MPPED1: variants seen among roughly 807,000 people sequenced by gnomAD.
MPPED1 encodes metallophosphoesterase domain-containing protein 1.
A neutral mutation model predicts 36.2 loss-of-function variants in MPPED1; 16 were observed. The observed-to-expected ratio is 0.44, with a 90% CI of 0.30 to 0.67. The LOEUF (loss-of-function observed/expected upper bound fraction) is 0.67, where lower values mean the gene tolerates loss of function less well. MPPED1 is among the 30% of genes least tolerant of loss of function. The pLI, the probability that MPPED1 is intolerant of heterozygous loss-of-function variation, is 0.10. For synonymous variants in MPPED1, 199 were observed against 191.3 expected (o/e 1.04, Z -0.33); for missense variants, 307 against 453.4 (o/e 0.68, Z 2.93).
chr22:43,469,451 C>T (rs1048925656), intron 3 of MPPED1, among the ~76,000 whole-genome samples: 2 of 4,900 alleles, frequency 4.1e-4, no homozygotes, highest in African/African-American at 5.2e-4. Flanking sequence ...CACTGGGAAT[C>T]GTATCTATGT....
At chr22:43,457,268 C>A (rs1930786556) in intron 3 of MPPED1, among the ~76,000 whole-genome samples, 1 of 152,104 alleles carries the variant, frequency 6.6e-6, no homozygotes, top group African/African-American at 2.4e-5. Context: ...TCTTCCTTTT[C>A]TCTAGTAACA....
intron 3 of MPPED1, among the ~76,000 whole-genome samples, chr22:43,463,604 A>G (rs1931033107): frequency 6.6e-6 from 1 of 152,144 alleles, no homozygotes; most frequent in African/African-American, 2.4e-5. Flanking sequence ...AAATTAAAAA[A>G]TATCCTGCTA....
chr22:43,465,148 C>T (rs1258943961), intron 3 of MPPED1, among the ~76,000 whole-genome samples: 3 of 152,320 alleles, frequency 2.0e-5, no homozygotes, highest in Non-Finnish European at 4.4e-5. Flanking sequence ...TATCCCAGGT[C>T]GCATGGTGAG....
At position 43,474,842 on chromosome 22, in the gene MPPED1, A is replaced by G; in HGVS notation, c.513A>G (p.Pro171=). 3 of 1,613,994 alleles carry G rather than the reference A, an allele frequency of 1.9e-6. No homozygotes were observed. The highest frequency in any genetic ancestry group is 2.2e-5 in the East Asian group (1 of 44,882). ...DLIKQDFYYF[P]SVSKLKPENY... The stretch of plus-strand genomic sequence containing the variant: ...TCAAGCAGGACTTTTACTACTTCCC[A>G]TCTGTGTCGAAGCTGAAGCCGGAGA... The change falls in exon 4 of 7, where the codon CCA becomes CCG. Residue 171 remains proline (P), a synonymous_variant. Transcript: ENST00000443721. The surrounding 1 kb of genome is among the most constrained non-coding windows in gnomAD (Gnocchi z 5.2).
intron 3 of MPPED1, among the ~76,000 whole-genome samples, chr22:43,447,027 G>A (rs906027859): frequency 7.9e-5 from 12 of 152,130 alleles, no homozygotes; most frequent in African/African-American, 2.4e-5. Flanking sequence ...TGAGACGGAG[G>A]GCAGGTGACT....
At chr22:43,481,663 CCT>C (rs1931754129) in intron 4 of MPPED1, among the ~76,000 whole-genome samples, 1 of 152,142 alleles carries the variant, frequency 6.6e-6, no homozygotes, top group Non-Finnish European at 1.5e-5. Flanking sequence ...AGCTCCCTCC[CCT>C]CTGTTTCCTT....
chr22:43,455,171 G>A (rs572158624), intron 3 of MPPED1, among the ~76,000 whole-genome samples: 5 of 148,086 alleles, frequency 3.4e-5, no homozygotes, highest in African/African-American at 1.0e-4. Context: ...GTGCAGTGGC[G>A]TGATCTCGGC....
chr22:43,469,753 G>A (rs899207476), intron 3 of MPPED1, among the ~76,000 whole-genome samples: 1 of 152,154 alleles, frequency 6.6e-6, no homozygotes, highest in Admixed American at 6.5e-5. Context: ...GAGAAGGGGC[G>A]ACACAGAGGT....
At chr22:43,471,907 G>A (rs1931390438) in intron 3 of MPPED1, among the ~76,000 whole-genome samples, 1 of 152,240 alleles carries the variant, frequency 6.6e-6, no homozygotes, top group South Asian at 2.1e-4. Flanking sequence ...GGAGGTGGAA[G>A]GGGCTTGTAG....
intron 4 of MPPED1, among the ~76,000 whole-genome samples, chr22:43,478,760 C>T (rs543713752): frequency 5.9e-5 from 9 of 152,240 alleles, no homozygotes; most frequent in East Asian, 1.9e-4. Flanking sequence ...GCCATACCCC[C>T]GTCCACCCAC....
intron 3 of MPPED1, among the ~76,000 whole-genome samples, chr22:43,462,809 G>C (rs1342110518): frequency 6.6e-6 from 1 of 152,128 alleles, no homozygotes; most frequent in Non-Finnish European, 1.5e-5. Context: ...ACCATCTTCA[G>C]ATGGCCATCA....
chr22:43,477,535 C>T (rs192434907), intron 4 of MPPED1, among the ~76,000 whole-genome samples: 3 of 152,340 alleles, frequency 2.0e-5, no homozygotes, highest in African/African-American at 4.8e-5. Context: ...AACCCCTGGG[C>T]TGCCCTGGTT....
intron 4 of MPPED1, among the ~76,000 whole-genome samples, chr22:43,488,205 A>G (rs547764625): frequency 6.6e-6 from 1 of 151,984 alleles, no homozygotes; most frequent in African/African-American, 2.4e-5. Context: ...CCTCAGCCTC[A>G]TGCCCCGGCC....
chr22:43,447,873 ATATATATATATT>A (rs1365544949), intron 3 of MPPED1, among the ~76,000 whole-genome samples: 112 of 31,024 alleles, frequency 3.6e-3, no homozygotes, highest in African/African-American at 0.016. Context: ...ATATATATAT[ATATATATATATT>A]TTTTTTTTTT....
At chr22:43,486,171 C>G (rs1044887273) in intron 4 of MPPED1, among the ~76,000 whole-genome samples, 1 of 152,272 alleles carries the variant, frequency 6.6e-6, no homozygotes, top group Admixed American at 6.5e-5. Context: ...CAGGCATGCC[C>G]TCACTTGGGA....
intron 2 of MPPED1, among the ~76,000 whole-genome samples, chr22:43,427,535 G>A (rs147779024): frequency 9.9e-5 from 15 of 152,258 alleles, no homozygotes; most frequent in Admixed American, 2.0e-4. Context: ...GCCGGGCTGC[G>A]TCCTGAGGGA....
chr22:43,451,201 T>G (rs1223655009), intron 3 of MPPED1, among the ~76,000 whole-genome samples: 1 of 152,088 alleles, frequency 6.6e-6, no homozygotes, highest in Non-Finnish European at 1.5e-5. Flanking sequence ...GAGACTGGGT[T>G]TCACGATGTT....
At chr22:43,415,438 T>G (rs1929047631) in intron 1 of MPPED1, among the ~76,000 whole-genome samples, 1 of 152,254 alleles carries the variant, frequency 6.6e-6, no homozygotes, top group African/African-American at 2.4e-5. Flanking sequence ...AGACAAGACT[T>G]AGTTATACTT....
At chr22:43,426,040 C>T (rs536285041) in intron 2 of MPPED1, among the ~76,000 whole-genome samples, 1 of 152,170 alleles carries the variant, frequency 6.6e-6, no homozygotes, top group Non-Finnish European at 1.5e-5. Flanking sequence ...TCCCTGAGTT[C>T]CTGGAGCCCC....
Sources: gnomAD v4.1 joint callset for allele counts (sites outside exome capture counted in the v4.1 genomes callset) on GRCh38, gnomAD v4.1.1 for gene constraint, Gnocchi (gnomAD v3.1) non-coding constraint, MANE v1.5 for transcripts, NCBI Gene and HGNC (gene_info 2026-07-23, HGNC 2026-07-21) for gene names.